SMYD3: variants seen among roughly 807,000 people sequenced by gnomAD.
SMYD3 encodes histone-lysine N-methyltransferase SMYD3.
A neutral mutation model predicts 57.7 loss-of-function variants in SMYD3; 36 were observed. The ratio of observed to expected loss-of-function variants is 0.62; its 90% CI spans 0.48 to 0.82. The LOEUF is 0.82. Ranked by LOEUF, SMYD3 falls within the 40% of genes least tolerant of loss-of-function variation. The pLI is 0.00. For missense variants in SMYD3, 515 were observed against 538.8 expected (o/e 0.96, Z 0.44); for synonymous variants, 211 against 195.0 (o/e 1.08, Z -0.68).
chr1:245,927,874 G>T, intron 7 of SMYD3, 57 bp downstream of exon 7: 2 of 1,407,278 alleles, frequency 1.4e-6, no homozygotes, highest in Non-Finnish European at 2.0e-6. Flanking sequence ...GACGGGCCGA[G>T]CTGAGAGGGT....
intron 1 of SMYD3, among the ~76,000 whole-genome samples, chr1:246,458,044 A>C (rs1358750990): frequency 6.6e-6 from 1 of 152,200 alleles, no homozygotes; most frequent in African/African-American, 2.4e-5. Flanking sequence ...GAAGATAACA[A>C]GCATTATTTT....
chr1:246,501,973 C>A (rs971429928), intron 1 of SMYD3, among the ~76,000 whole-genome samples: 1 of 152,120 alleles, frequency 6.6e-6, no homozygotes, highest in Non-Finnish European at 1.5e-5. Flanking sequence ...CCTTTTCTGG[C>A]ACCTCTTCTT....
rs142930667 is a variant in SMYD3, at chr1:245,756,969, C to T, written c.1185+7072G>A. On this transcript the variant is annotated intron_variant, in intron 11 of 11. Coordinates refer to ENST00000490107, the MANE Select transcript of SMYD3 (RefSeq NM_001167740.2). The stretch of plus-strand genomic sequence containing the variant: ...CCACTATTAATTCTTTTTTTAAAAA[C>T]AATATGGTAAAGTACACAAAACACT... Among the ~76,000 whole-genome samples, 75 of 152,088 alleles carry T rather than the reference C, an allele frequency of 4.9e-4. No individual in the cohort carries two copies. In the East Asian group the frequency reaches 0.014, roughly 28 times the overall value.
chr1:246,012,176 G>A (rs2059293827), intron 5 of SMYD3, among the ~76,000 whole-genome samples: 1 of 152,054 alleles, frequency 6.6e-6, no homozygotes, highest in Non-Finnish European at 1.5e-5. Flanking sequence ...CTTCTTGAGG[G>A]AAAAACTACA....
intron 5 of SMYD3, among the ~76,000 whole-genome samples, chr1:246,224,245 C>T (rs2063297072): frequency 6.6e-6 from 1 of 151,986 alleles, no homozygotes; most frequent in African/African-American, 2.4e-5. Flanking sequence ...TGGGAAGCTC[C>T]TTTAGACTGA....
chr1:245,926,707 T>C (rs1229142842), intron 7 of SMYD3, among the ~76,000 whole-genome samples: 4 of 152,368 alleles, frequency 2.6e-5, no homozygotes, highest in East Asian at 3.9e-4. Flanking sequence ...CCAACTCTAA[T>C]TGCTTTTGTC....
At chr1:245,880,074 G>A (rs1001661758) in intron 8 of SMYD3, among the ~76,000 whole-genome samples, 2 of 151,978 alleles carry the variant, frequency 1.3e-5, no homozygotes, top group Non-Finnish European at 2.9e-5. Flanking sequence ...GCACAGGTGC[G>A]TTGCTGTACA....
chr1:245,994,852 C>T (rs922915449), intron 5 of SMYD3, among the ~76,000 whole-genome samples: 1 of 151,614 alleles, frequency 6.6e-6, no homozygotes, highest in Non-Finnish European at 1.5e-5. Flanking sequence ...TTCGGCTGGG[C>T]GCAGTGGCTC....
intron 5 of SMYD3, among the ~76,000 whole-genome samples, chr1:246,182,284 T>G (rs1482834856): frequency 1.3e-5 from 2 of 152,118 alleles, no homozygotes; most frequent in Admixed American, 1.3e-4. Context: ...TTCCTTCCCC[T>G]TTCTCCTATT....
intron 5 of SMYD3, among the ~76,000 whole-genome samples, chr1:245,967,092 T>A (rs983036320): frequency 6.6e-6 from 1 of 152,218 alleles, no homozygotes; most frequent in Non-Finnish European, 1.5e-5. Flanking sequence ...AATTTGTTTT[T>A]CCATTCCTCA....
intron 10 of SMYD3, among the ~76,000 whole-genome samples, chr1:245,823,357 G>GCTCTCT (rs10534407): frequency 6.6e-6 from 1 of 151,522 alleles, no homozygotes; most frequent in Admixed American, 6.6e-5. Context: ...GCTCGCTCTC[G>GCTCTCT]CTCTCTCTCT....
intron 1 of SMYD3, among the ~76,000 whole-genome samples, chr1:246,409,291 G>T (rs1208329604): frequency 2.0e-5 from 3 of 152,124 alleles, no homozygotes. Flanking sequence ...TTTTCTTCTA[G>T]GGTTTTTATG....
chr1:245,970,701 G>T (rs1442572295), intron 5 of SMYD3, among the ~76,000 whole-genome samples: 1 of 152,084 alleles, frequency 6.6e-6, no homozygotes, highest in Non-Finnish European at 1.5e-5. Flanking sequence ...TATGAAAAAA[G>T]CTCATCATCA....
intron 5 of SMYD3, among the ~76,000 whole-genome samples, chr1:246,016,770 C>A (rs2059384712): frequency 6.6e-6 from 1 of 151,180 alleles, no homozygotes; most frequent in African/African-American, 2.4e-5. Flanking sequence ...TAACTAAGGT[C>A]AAAGAAAAAG....
chr1:245,929,914 G>C lies in SMYD3; in HGVS notation c.555C>G (p.Ile185Met). ...FAKVICNSFT[I>M]CNAEMQEVGV... ...CAACTTCCTGCATCTCCGCATTACA[G>C]ATGGTGAAAGAGTTGCAGATCACCT... Residue 185 changes from isoleucine (I) to methionine (M), a missense_variant, in exon 6 of 12, where the codon ATC becomes ATG. Physicochemically the swap from Ile to Met is conservative, Grantham distance 10. Transcript: ENST00000490107. The C allele has an allele frequency of 6.2e-7, 1 of 1,613,762 alleles. No individual in the cohort carries two copies. Among genetic ancestry groups the C allele is most frequent in the Non-Finnish European group, 8.5e-7 (1 of 1,179,764 alleles).
At chr1:246,350,920 T>C (rs2065811908) in intron 2 of SMYD3, among the ~76,000 whole-genome samples, 1 of 152,238 alleles carries the variant, frequency 6.6e-6, no homozygotes, top group African/African-American at 2.4e-5. Context: ...GACAGTTAGA[T>C]ACAAAGCTGA....
chr1:246,237,255 T>C (rs56157160), intron 5 of SMYD3, among the ~76,000 whole-genome samples: 31,535 of 152,054 alleles, frequency 0.21, 3,988 homozygotes, highest in East Asian at 0.58. Context: ...AAACTATGCC[T>C]GCTGCTCAAG....
At chr1:245,921,920 A>T (rs530676616) in intron 7 of SMYD3, among the ~76,000 whole-genome samples, 50 of 152,208 alleles carry the variant, frequency 3.3e-4, no homozygotes, top group African/African-American at 1.1e-3. Context: ...TCACACCCCA[A>T]AGCTCACTAT....
At chr1:245,981,996 C>T (rs568826024) in intron 5 of SMYD3, among the ~76,000 whole-genome samples, 13 of 152,266 alleles carry the variant, frequency 8.5e-5, no homozygotes, top group African/African-American at 2.4e-4. Context: ...ACCTTGAGCA[C>T]GTGGGGTCTT....
Sources: allele counts gnomAD v4.1 joint callset (sites outside exome capture counted in the v4.1 genomes callset), GRCh38; gene constraint gnomAD v4.1.1; transcripts MANE v1.5; gene names NCBI Gene and HGNC (gene_info 2026-07-23, HGNC 2026-07-21).